The following GDAP1 variants were observed in gnomAD, a reference collection of about 807,000 sequenced individuals.
GDAP1 encodes ganglioside induced differentiation associated protein 1.
In GDAP1, 34 loss-of-function variants were observed where a neutral mutation model predicts 40.1. The observed-to-expected ratio is 0.85, with a 90% CI of 0.64 to 1.13. GDAP1 has a LOEUF of 1.13. Ranked by LOEUF, GDAP1 falls within the 50% of genes most tolerant of loss-of-function variation. The pLI is 0.00. For missense variants in GDAP1, 374 were observed against 433.7 expected (o/e 0.86, Z 1.22); for synonymous variants, 170 against 157.4 (o/e 1.08, Z -0.60).
intron 2 of GDAP1, among the ~76,000 whole-genome samples, chr8:74,402,834 C>T (rs1011262188): frequency 6.7e-6 from 1 of 150,164 alleles, no homozygotes. Flanking sequence ...AGAAGTTACT[C>T]CTTCATAAAA....
chr8:74,448,954 A>G (rs1022495022), intron 2 of GDAP1, among the ~76,000 whole-genome samples: 2 of 152,018 alleles, frequency 1.3e-5, no homozygotes, highest in African/African-American at 2.4e-5. Context: ...TTACTGTGTT[A>G]CTGTATTGTT....
chr8:74,426,288 A>T (rs1250250536), intron 2 of GDAP1, among the ~76,000 whole-genome samples: 2 of 152,252 alleles, frequency 1.3e-5, no homozygotes, highest in African/African-American at 4.8e-5. Context: ...ATTATCATTC[A>T]TACAATATAG....
intron 2 of GDAP1, among the ~76,000 whole-genome samples, chr8:74,398,436 G>A (rs1339139541): frequency 6.6e-6 from 1 of 152,186 alleles, no homozygotes; most frequent in Non-Finnish European, 1.5e-5. Context: ...CTCAGCTTAA[G>A]GAGATTTTGG....
chr8:74,474,854 C>T (rs539182081), intron 2 of GDAP1, among the ~76,000 whole-genome samples: 2 of 152,182 alleles, frequency 1.3e-5, no homozygotes, highest in South Asian at 2.1e-4. Flanking sequence ...GGAATGGTTT[C>T]AGTAGAAATG....
intron 3 of GDAP1, among the ~76,000 whole-genome samples, chr8:74,360,813 C>A (rs1246842799): frequency 6.6e-6 from 1 of 152,178 alleles, no homozygotes; most frequent in Non-Finnish European, 1.5e-5. Flanking sequence ...CTGCCTTCCT[C>A]CTGTCATGAG....
Position 74,366,763 on chromosome 8 carries a change from G to A in GDAP1, c.*2396G>A. The A allele has an allele frequency of 2.2e-6, 1 of 453,858 alleles. No homozygotes were observed. The highest frequency in any genetic ancestry group is 4.4e-6 in the Non-Finnish European group (1 of 226,676). 28.1% of individuals were successfully genotyped at this position (453,858 alleles called of 1,614,324 possible). On this transcript the variant is annotated 3_prime_UTR_variant, in exon 6 of 6. Coordinates refer to ENST00000220822, the MANE Select transcript of GDAP1 (RefSeq NM_018972.4). ...TGCTCAATTTTTAGTAATTATTGCT[G>A]TTGACACCAGCGTTGTAGATTTTTG...
At chr8:74,440,799 A>G (rs1232391367) in intron 2 of GDAP1, among the ~76,000 whole-genome samples, 1 of 152,118 alleles carries the variant, frequency 6.6e-6, no homozygotes, top group African/African-American at 2.4e-5. Context: ...GAAATTAACT[A>G]TTTCCTAAAA....
chr8:74,457,561 C>T (rs1806351459), intron 2 of GDAP1, among the ~76,000 whole-genome samples: 1 of 151,912 alleles, frequency 6.6e-6, no homozygotes, highest in African/African-American at 2.4e-5. Flanking sequence ...AACTATTTAT[C>T]ACATTAAACA....
In GDAP1 at chr8:74,364,301, T is replaced by A; in HGVS notation, c.1011T>A (p.Phe337Leu). Residue 337 changes from phenylalanine to leucine, a missense_variant, in exon 6 of 6, where the codon TTT (phenylalanine) becomes TTA (leucine). Physicochemically the swap from Phe to Leu is conservative, Grantham distance 22. Transcript: ENST00000220822. ...GLLAGVGYFA[F>L]MLFRKRLGSM... is the part of the protein sequence containing the mutation. ...TTGCAGGAGTGGGATATTTTGCTTT[T>A]ATGCTTTTCAGAAAGAGGCTTGGCA... 2 of 1,614,200 alleles carry A rather than the reference T, an allele frequency of 1.2e-6. No individual in the cohort carries two copies. Among genetic ancestry groups the A allele is most frequent in the Non-Finnish European group, 1.7e-6 (2 of 1,180,012 alleles).
At chr8:74,449,439 T>C (rs1190005877) in intron 2 of GDAP1, among the ~76,000 whole-genome samples, 2 of 151,912 alleles carry the variant, frequency 1.3e-5, no homozygotes, top group Admixed American at 6.6e-5. Context: ...TTAACAATAC[T>C]GACTCTTCAA....
At chr8:74,478,545 C>T (rs1420816484) in intron 2 of GDAP1, among the ~76,000 whole-genome samples, 1 of 152,098 alleles carries the variant, frequency 6.6e-6, no homozygotes, top group Non-Finnish European at 1.5e-5. Flanking sequence ...CCAGGAGATG[C>T]CAGCAGACTG....
intron 2 of GDAP1, among the ~76,000 whole-genome samples, chr8:74,374,716 A>G (rs1159748672): frequency 6.6e-6 from 1 of 152,174 alleles, no homozygotes; most frequent in Non-Finnish European, 1.5e-5. Flanking sequence ...AAATATTAGG[A>G]ACAAATGTTG....
intron 2 of GDAP1, among the ~76,000 whole-genome samples, chr8:74,438,746 GCATAC>G (rs1478890987): frequency 1.3e-5 from 2 of 152,054 alleles, no homozygotes; most frequent in Non-Finnish European, 2.9e-5. Context: ...GACTACAGGT[GCATAC>G]CATCACACCT....
At chr8:74,450,088 G>GTTT (rs1177445385) in intron 2 of GDAP1, among the ~76,000 whole-genome samples, 7 of 150,340 alleles carry the variant, frequency 4.7e-5, no homozygotes, top group East Asian at 1.9e-4. Context: ...ATTTCCTTTG[G>GTTT]TTTTTTTTTC....
chr8:74,466,348 G>C (rs1430753871), intron 2 of GDAP1, among the ~76,000 whole-genome samples: 1 of 152,162 alleles, frequency 6.6e-6, no homozygotes, highest in Non-Finnish European at 1.5e-5. Context: ...AACGTGATCT[G>C]ATTTGAGTTA....
chr8:74,404,886 A>G (rs925470331), intron 2 of GDAP1, among the ~76,000 whole-genome samples: 1 of 149,926 alleles, frequency 6.7e-6, no homozygotes, highest in Non-Finnish European at 1.5e-5. Flanking sequence ...AAAGATGCTC[A>G]TGTCTTATAT....
intron 2 of GDAP1, among the ~76,000 whole-genome samples, chr8:74,422,325 CTT>C (rs1368789857): frequency 9.1e-5 from 5 of 54,744 alleles, no homozygotes; most frequent in Non-Finnish European, 1.5e-4. Flanking sequence ...TTCTTTCTTT[CTT>C]TCTTTCTTTC....
chr8:74,395,954 A>C (rs1810191618), intron 2 of GDAP1, among the ~76,000 whole-genome samples: 2 of 152,194 alleles, frequency 1.3e-5, no homozygotes, highest in Admixed American at 6.5e-5. Flanking sequence ...ACGTACGGTG[A>C]AGTTAAAAAG....
chr8:74,393,981 C>G (rs1810152893), intron 2 of GDAP1, among the ~76,000 whole-genome samples: 1 of 152,120 alleles, frequency 6.6e-6, no homozygotes, highest in African/African-American at 2.4e-5. Flanking sequence ...TAACTCCATT[C>G]TTATATGACT....
Sources: gnomAD v4.1 joint callset for allele counts (sites outside exome capture counted in the v4.1 genomes callset) on GRCh38, gnomAD v4.1.1 for gene constraint, MANE v1.5 for transcripts, NCBI Gene and HGNC (gene_info 2026-07-23, HGNC 2026-07-21) for gene names.